The following NELL2 variants were observed in gnomAD, a reference collection of about 807,000 sequenced individuals.
NELL2 encodes neural EGFL like 2.
Under a neutral mutation model 109.6 loss-of-function variants are expected in NELL2, and 41 were observed. That is an observed-to-expected ratio of 0.37 (90% CI 0.29 to 0.49). The LOEUF (loss-of-function observed/expected upper bound fraction) is 0.49. Ranked by LOEUF, NELL2 falls within the 20% of genes least tolerant of loss-of-function variation. NELL2 has a pLI of 0.98. For missense variants in NELL2, 900 were observed against 1,008.3 expected (o/e 0.89, Z 1.45); for synonymous variants, 355 against 344.7 (o/e 1.03, Z -0.33).
chr12:44,813,932 C>T (rs1411992641), intron 3 of NELL2, among the ~76,000 whole-genome samples: 1 of 152,156 alleles, frequency 6.6e-6, no homozygotes, highest in Non-Finnish European at 1.5e-5. Context: ...ATTTCAGTTG[C>T]CCATATCTTT....
chr12:44,766,639 A>G (rs375302303), intron 9 of NELL2, among the ~76,000 whole-genome samples: 16 of 152,198 alleles, frequency 1.1e-4, no homozygotes, highest in East Asian at 5.8e-4. Flanking sequence ...TGGGTCTCCT[A>G]TGAATGATAC....
intron 19 of NELL2, among the ~76,000 whole-genome samples, chr12:44,513,952 CAAA>C (rs150651038): frequency 4.1e-5 from 5 of 122,946 alleles, no homozygotes; most frequent in Non-Finnish European, 7.3e-5. Context: ...AAATAAAGAC[CAAA>C]AAAAAAAAAA....
In NELL2 at chr12:44,522,118, A is replaced by G. The variant is rs149434088; in HGVS notation, c.2057T>C (p.Leu686Pro). The part of the protein sequence containing the change: ...VCDCENPTVD[L>P]FCCPECDPRL... ...TGGGTCACATTCAGGGCAGCAAAAA[A>G]GATCAACTGTGGGATTCTCACAGTC... The change falls in exon 18 of 20, where the codon CTT (leucine) becomes CCT (proline). Residue 686 changes from leucine (L) to proline (P), a missense_variant. Transcript: ENST00000429094. The G allele has an allele frequency of 6.2e-7, 1 of 1,614,036 alleles. No homozygotes were observed. The highest frequency in any genetic ancestry group is 1.3e-5 in the African/African-American group (1 of 74,902).
intron 13 of NELL2, among the ~76,000 whole-genome samples, chr12:44,659,062 C>G (rs1947632206): frequency 6.6e-6 from 1 of 152,048 alleles, no homozygotes; most frequent in Admixed American, 6.6e-5. Context: ...CTATAAACAG[C>G]TGATCTTTGA....
At chr12:44,900,082 C>T (rs903351919) in intron 1 of NELL2, among the ~76,000 whole-genome samples, 2 of 152,160 alleles carry the variant, frequency 1.3e-5, no homozygotes, top group African/African-American at 4.8e-5. Flanking sequence ...CATATATGCA[C>T]TCAACACAGG....
chr12:44,574,575 C>T (rs181517090), intron 15 of NELL2, among the ~76,000 whole-genome samples: 202 of 151,708 alleles, frequency 1.3e-3, no homozygotes, highest in African/African-American at 4.7e-3. Flanking sequence ...CCTTGTATGC[C>T]ACATTAAATG....
intron 2 of NELL2, among the ~76,000 whole-genome samples, chr12:44,839,976 C>A (rs1415711698): frequency 1.3e-5 from 2 of 152,190 alleles, no homozygotes; most frequent in African/African-American, 4.8e-5. Context: ...ATTGTTACTA[C>A]CCTTTCAACC....
At chr12:44,711,538 C>T in intron 10 of NELL2, 144 bp from the exon 11 acceptor site, 2 of 598,252 alleles carry the variant, frequency 3.3e-6, no homozygotes, top group Non-Finnish European at 6.0e-6. Flanking sequence ...GGCTCACTCC[C>T]AAAATGACAT....
intron 15 of NELL2, among the ~76,000 whole-genome samples, chr12:44,536,251 A>T (rs900787390): frequency 6.6e-6 from 1 of 152,054 alleles, no homozygotes; most frequent in African/African-American, 2.4e-5. Flanking sequence ...TTAGTAAATA[A>T]AGAATTGAAA....
chr12:44,553,286 G>GA (rs59332982), intron 15 of NELL2, among the ~76,000 whole-genome samples: 52,978 of 145,508 alleles, frequency 0.36, 9,871 homozygotes, highest in East Asian at 0.58. Flanking sequence ...AATAAAAAAA[G>GA]AAAAAAAAAA....
intron 12 of NELL2, among the ~76,000 whole-genome samples, chr12:44,689,971 A>G (rs1948849584): frequency 6.6e-6 from 1 of 152,228 alleles, no homozygotes; most frequent in Non-Finnish European, 1.5e-5. Context: ...CTAGGCAGGA[A>G]CACATAAACT....
chr12:44,588,541 C>G (rs1190534917), intron 15 of NELL2, among the ~76,000 whole-genome samples: 6 of 152,150 alleles, frequency 3.9e-5, no homozygotes, highest in Admixed American at 1.3e-4. Context: ...GCAGATGGCA[C>G]TGAAAGTAAT....
chr12:44,827,939 C>T (rs116528758), intron 2 of NELL2, among the ~76,000 whole-genome samples: 2,373 of 152,256 alleles, frequency 0.016, 59 homozygotes, highest in African/African-American at 0.053. Context: ...ACAGTATATG[C>T]GGGTTCCCTT....
At chr12:44,527,755 AT>A (rs1401323899) in intron 16 of NELL2, among the ~76,000 whole-genome samples, 1 of 152,142 alleles carries the variant, frequency 6.6e-6, no homozygotes, top group African/African-American at 2.4e-5. Flanking sequence ...TAGAAGTATT[AT>A]TTTTATCTTT....
intron 16 of NELL2, 90 bp from the exon 17 acceptor site, chr12:44,523,574 G>C: frequency 9.8e-7 from 1 of 1,016,236 alleles, no homozygotes; most frequent in Non-Finnish European, 1.5e-6. Context: ...CTGACATAAG[G>C]TATTCAACTG....
chr12:44,808,493 T>C (rs1363231004), intron 3 of NELL2, among the ~76,000 whole-genome samples: 1 of 151,984 alleles, frequency 6.6e-6, no homozygotes, highest in Non-Finnish European at 1.5e-5. Context: ...AATAATGATA[T>C]AGAAACACTT....
upstream of NELL2, chr12:44,880,991 T>C (rs1945405220): frequency 6.6e-6 from 1 of 152,000 alleles, no homozygotes; most frequent in African/African-American, 2.4e-5. Context: ...ACCAGCCAGG[T>C]AGTGGTCTAA....
chr12:44,587,146 C>A (rs781776256), intron 15 of NELL2, among the ~76,000 whole-genome samples: 6 of 150,980 alleles, frequency 4.0e-5, no homozygotes, highest in Non-Finnish European at 8.9e-5. Context: ...GTGGCACACG[C>A]CTGTAGTCCC....
At chr12:44,623,623 C>T (rs191558968) in intron 13 of NELL2, among the ~76,000 whole-genome samples, 2 of 152,246 alleles carry the variant, frequency 1.3e-5, no homozygotes, top group East Asian at 3.9e-4. Context: ...CCCCAGGAAT[C>T]ACTAAAAGTT....
Sources: gnomAD v4.1 joint callset for allele counts (sites outside exome capture counted in the v4.1 genomes callset) on GRCh38, gnomAD v4.1.1 for gene constraint, MANE v1.5 for transcripts, NCBI Gene and HGNC (gene_info 2026-07-23, HGNC 2026-07-21) for gene names.